The following RDX variants were observed in gnomAD, a reference collection of about 807,000 sequenced individuals.
RDX encodes the protein deafness, autosomal recessive 24.
In RDX, 32 loss-of-function variants were observed where a neutral mutation model predicts 83.7. That is an observed-to-expected ratio of 0.38 (90% CI 0.29 to 0.51). RDX has a LOEUF of 0.51. Ranked by LOEUF, RDX falls within the 20% of genes least tolerant of loss-of-function variation. The pLI is 0.87. For missense variants in RDX, 600 were observed against 689.9 expected, an observed-to-expected ratio of 0.87 and a Z score of 1.46; for synonymous variants, 229 against 222.7, an observed-to-expected ratio of 1.03 and a Z score of -0.25.
intron 1 of RDX, among the ~76,000 whole-genome samples, chr11:110,291,194 G>A (rs1012905036): frequency 6.6e-6 from 1 of 152,096 alleles, no homozygotes; most frequent in Non-Finnish European, 1.5e-5. Flanking sequence ...GCATGGTGGT[G>A]TGCACATGTA....
chr11:110,215,775 C>G (rs954952932), intron 14 of RDX, among the ~76,000 whole-genome samples: 2 of 152,208 alleles, frequency 1.3e-5, no homozygotes, highest in Non-Finnish European at 2.9e-5. Flanking sequence ...AGGGCTTTCG[C>G]TTCTAAGAAA....
intron 15 of RDX, among the ~76,000 whole-genome samples, chr11:110,177,974 C>T (rs1159407045): frequency 6.6e-6 from 1 of 152,084 alleles, no homozygotes; most frequent in Non-Finnish European, 1.5e-5. Flanking sequence ...TCTGATCAGG[C>T]CAGGATGTCT....
At chr11:110,244,548 G>A (rs972400276) in intron 10 of RDX, among the ~76,000 whole-genome samples, 22 of 152,078 alleles carry the variant, frequency 1.4e-4, no homozygotes, top group East Asian at 1.9e-4. Context: ...GTTGTCTACA[G>A]CAGAGAGAAG....
At chr11:110,199,234 G>C (rs548558173) in intron 15 of RDX, among the ~76,000 whole-genome samples, 1 of 152,266 alleles carries the variant, frequency 6.6e-6, no homozygotes, top group South Asian at 2.1e-4. Flanking sequence ...AAAGGTAAGA[G>C]AATCCCCTAA....
chr11:110,294,883 C>T (rs748977767), intron 1 of RDX, among the ~76,000 whole-genome samples: 1 of 152,156 alleles, frequency 6.6e-6, no homozygotes, highest in South Asian at 2.1e-4. Context: ...AAGAACTCAA[C>T]GTTTTTTCAA....
At chr11:110,227,241 A>G (rs542101100), downstream of RDX, among the ~76,000 whole-genome samples, 45 of 152,300 alleles carry the variant, frequency 3.0e-4, no homozygotes, top group Admixed American at 4.6e-4. Context: ...AGAATTTCAT[A>G]TAATAAATCC....
intron 14 of RDX, among the ~76,000 whole-genome samples, chr11:110,215,288 G>A (rs1434821827): frequency 6.7e-6 from 1 of 150,284 alleles, no homozygotes; most frequent in Non-Finnish European, 1.5e-5. Context: ...GCATGAACCC[G>A]GGAGGCAGAG....
chr11:110,194,553 G>A (rs1020693736), intron 15 of RDX, among the ~76,000 whole-genome samples: 2 of 152,092 alleles, frequency 1.3e-5, no homozygotes, highest in African/African-American at 4.8e-5. Context: ...TGCATTCCCA[G>A]GTCTTATGAC....
chr11:110,212,097 T>C (rs1244518429), intron 14 of RDX, among the ~76,000 whole-genome samples: 4 of 131,842 alleles, frequency 3.0e-5, no homozygotes, highest in African/African-American at 1.1e-4. Flanking sequence ...GCAAGACTAA[T>C]AAAGAAAAAA....
chr11:110,202,190 T>C (rs1455015463), intron 14 of RDX, among the ~76,000 whole-genome samples: 1 of 151,712 alleles, frequency 6.6e-6, no homozygotes, highest in Admixed American at 6.6e-5. Flanking sequence ...AGGTCAGGAG[T>C]TTGAGACCAG....
intron 15 of RDX, chr11:110,181,897 C>G (rs1261392724): frequency 1.3e-5 from 2 of 152,356 alleles, no homozygotes; most frequent in Admixed American, 1.3e-4. Context: ...AGACTCAGAC[C>G]CAGGCACACC....
At chr11:110,235,673 C>T (rs1023528189) in intron 12 of RDX, among the ~76,000 whole-genome samples, 45 of 152,320 alleles carry the variant, frequency 3.0e-4, no homozygotes, top group African/African-American at 1.0e-3. Context: ...GCCACATCTC[C>T]TAACATTTCT....
chr11:110,259,649 G>C (rs963704362), intron 5 of RDX, among the ~76,000 whole-genome samples: 1 of 152,158 alleles, frequency 6.6e-6, no homozygotes, highest in African/African-American at 2.4e-5. Flanking sequence ...CCTTCTGAGA[G>C]AGCTTAGGTT....
chr11:110,277,540 G>A (rs1036752797), intron 2 of RDX, among the ~76,000 whole-genome samples: 4 of 152,034 alleles, frequency 2.6e-5, no homozygotes, highest in South Asian at 2.1e-4. Flanking sequence ...GGCTGGTCTC[G>A]AACTCCTGAC....
At chr11:110,177,055 T>C (rs564262424) in intron 15 of RDX, among the ~76,000 whole-genome samples, 2 of 152,252 alleles carry the variant, frequency 1.3e-5, no homozygotes, top group South Asian at 4.1e-4. Context: ...GCCAAATGCA[T>C]CTTCCAGAGA....
chr11:110,279,536 G>A (rs1860666353), intron 2 of RDX, 145 bp downstream of exon 2: 5 of 620,238 alleles, frequency 8.1e-6, no homozygotes, highest in Non-Finnish European at 1.5e-5. Flanking sequence ...TAATTAATTT[G>A]GCCACATTAA....
intron 5 of RDX, among the ~76,000 whole-genome samples, chr11:110,261,220 T>C (rs1859790089): frequency 1.3e-5 from 2 of 152,242 alleles, no homozygotes; most frequent in Non-Finnish European, 2.9e-5. Flanking sequence ...GGTTCAAAAC[T>C]GAATTCATCT....
At chr11:110,175,835 T>C (rs1591493429) in intron 15 of RDX, among the ~76,000 whole-genome samples, 1 of 152,280 alleles carries the variant, frequency 6.6e-6, no homozygotes, top group Non-Finnish European at 1.5e-5. Context: ...TTGCTCTGTA[T>C]GTTGCCAAAT....
chr11:110,283,563 T>C (rs7103728), intron 1 of RDX, among the ~76,000 whole-genome samples: 5,737 of 152,246 alleles, frequency 0.038, 362 homozygotes, highest in African/African-American at 0.13. Flanking sequence ...TAAGTTAATA[T>C]TTTTTTCAAA....
Sources: allele counts gnomAD v4.1 joint callset (sites outside exome capture counted in the v4.1 genomes callset), GRCh38; gene constraint gnomAD v4.1.1; transcripts MANE v1.5; gene names NCBI Gene and HGNC (gene_info 2026-07-23, HGNC 2026-07-21).